Variants in TMEM67 observed in about 807,000 individuals in gnomAD.
The protein encoded by TMEM67 is meckelin.
Under a neutral mutation model 136.6 loss-of-function variants are expected in TMEM67, and 124 were observed. The ratio of observed to expected loss-of-function variants is 0.91; its 90% CI spans 0.78 to 1.05. The LOEUF (loss-of-function observed/expected upper bound fraction) is 1.05. TMEM67 is among the 50% of genes least tolerant of loss of function. The pLI is 0.00. For missense variants in TMEM67, 1,107 were observed against 1,178.4 expected, an observed-to-expected ratio of 0.94 and a Z score of 0.89; for synonymous variants, 364 against 390.5, an observed-to-expected ratio of 0.93 and a Z score of 0.80.
chr8:93,812,715 AG>A (rs1159378910), intron 26 of TMEM67, among the ~76,000 whole-genome samples: 3 of 152,180 alleles, frequency 2.0e-5, no homozygotes, highest in African/African-American at 7.2e-5. Flanking sequence ...GTAGGCACTC[AG>A]AAAGGAAATG....
In TMEM67 at chr8:93,808,932, C is replaced by T. The variant is rs771098362; in HGVS notation, c.2532C>T (p.Asp844=). The part of the protein sequence containing the change: ...AISNQMRQHY[D]RIHETLIRKN... ...CTAACCAGATGAGACAACATTATGA[C>T]AGAATTCATGAGACACTAATAAGGG... The change falls in exon 24 of 28, where the codon GAC becomes GAT. Residue 844 remains aspartate, a synonymous_variant. Coordinates refer to ENST00000453321, the MANE Select transcript of TMEM67 (RefSeq NM_153704.6). 3 of 1,608,698 alleles carry T rather than the reference C, an allele frequency of 1.9e-6. No individual in the cohort carries two copies. The African/African-American group carries it at 4.0e-5, about 22-fold the overall frequency.
At chr8:93,772,712 C>A in intron 7 of TMEM67, 61 bp downstream of exon 7, 1 of 1,305,972 alleles carries the variant, frequency 7.7e-7, no homozygotes, top group Non-Finnish European at 1.1e-6. Flanking sequence ...CATTTATTTA[C>A]CCAGATAATA....
Position 93,815,326 on chromosome 8 carries a change from G to C in TMEM67, c.2786G>C (p.Ser929Thr). 2 of 1,592,194 alleles carry C rather than the reference G, an allele frequency of 1.3e-6. No individual in the cohort carries two copies. Among genetic ancestry groups the C allele is most frequent in the Non-Finnish European group, 1.7e-6 (2 of 1,166,654 alleles). The change falls in exon 27 of 28, where the codon AGT (serine) becomes ACT (threonine). Residue 929 changes from serine to threonine, a missense_variant. Physicochemically the swap from Ser to Thr is moderately conservative, Grantham distance 58. Around this residue, in one of 3 missense-constraint regions of TMEM67, gnomAD observed 925 missense variants for 1,002.4 expected, o/e 0.92. Coordinates refer to ENST00000453321, the MANE Select transcript of TMEM67 (RefSeq NM_153704.6). ...ATAGATGAAGGTTATTCTTTCAGCAGTGTCCTGTATTATGGAAATGAAGCT... is the reference window on the plus strand; with the variant it reads ...ATAGATGAAGGTTATTCTTTCAGCACTGTCCTGTATTATGGAAATGAAGCT... The part of the protein sequence containing the change: ...FYNDEGYSFS[S>T]VLYYGNEATL...
At chr8:93,809,708 C>T in intron 25 of TMEM67, 77 bp from the exon 26 acceptor site, 1 of 856,366 alleles carries the variant, frequency 1.2e-6, no homozygotes, top group Admixed American at 2.0e-5. Context: ...CATTTTCTCT[C>T]CTGCTGATTT....
intron 13 of TMEM67, among the ~76,000 whole-genome samples, chr8:93,786,738 C>G (rs1445861788): frequency 6.6e-6 from 1 of 152,132 alleles, no homozygotes; most frequent in Non-Finnish European, 1.5e-5. Flanking sequence ...GATTAATTTT[C>G]AACACCTCCC....
intron 9 of TMEM67, among the ~76,000 whole-genome samples, 168 bp downstream of exon 9, chr8:93,781,150 T>C (rs1813807448): frequency 6.6e-6 from 1 of 152,258 alleles, no homozygotes; most frequent in Non-Finnish European, 1.5e-5. Flanking sequence ...AGTTTAGCTA[T>C]CTTACTGAAT....
intron 22 of TMEM67, among the ~76,000 whole-genome samples, chr8:93,804,040 A>G (rs560193499): frequency 6.7e-6 from 1 of 150,206 alleles, no homozygotes; most frequent in South Asian, 2.1e-4. Context: ...ATGCTGGGCT[A>G]ATTTTTTTTT....
chr8:93,769,497 T>G (rs1317585854), intron 6 of TMEM67: 1 of 167,140 alleles, frequency 6.0e-6, no homozygotes, highest in African/African-American at 2.4e-5. Context: ...AGCAATTGTG[T>G]GCTAAACATA....
At chr8:93,774,079 AT>A (rs530202231) in intron 7 of TMEM67, among the ~76,000 whole-genome samples, 5 of 152,156 alleles carry the variant, frequency 3.3e-5, no homozygotes, top group Non-Finnish European at 7.4e-5. Context: ...GGAGTGCACA[AT>A]CTCGACTCAC....
In TMEM67 at chr8:93,780,599, GC is replaced by G; in HGVS notation, c.723del (p.Asn242IlefsTer2). ...QSSAAACWVYANLTSCQALGN... is the reference protein window; with the variant it reads ...QSSAAACWVYXNLTSCQALGN... ...TGCCATTGTTCTGTTGTAGGTATATGCCAATCTAACATCTTGTCAAGCTCTT... is the reference window on the plus strand; with the variant it reads ...TGCCATTGTTCTGTTGTAGGTATATGCAATCTAACATCTTGTCAAGCTCTT... On this transcript the variant is annotated frameshift_variant, in exon 8 of 28. Transcript: ENST00000453321. LOFTEE classifies it high-confidence loss of function. 1 of 1,614,026 alleles carries G rather than the reference GC, an allele frequency of 6.2e-7. No individual in the cohort carries two copies. The highest frequency in any genetic ancestry group is 8.5e-7 in the Non-Finnish European group (1 of 1,180,008).
At chr8:93,811,723 T>G (rs1197367293) in intron 26 of TMEM67, among the ~76,000 whole-genome samples, 1 of 152,098 alleles carries the variant, frequency 6.6e-6, no homozygotes, top group East Asian at 1.9e-4. Flanking sequence ...GGTTGCATGC[T>G]CAACATCTTA....
chr8:93,819,345 G>A, downstream of TMEM67: 2 of 363,594 alleles, frequency 5.5e-6, no homozygotes, highest in Non-Finnish European at 1.0e-5. Context: ...ACCGATAGAT[G>A]TAAAACATAA....
chr8:93,777,204 T>G (rs765770311), intron 7 of TMEM67, among the ~76,000 whole-genome samples: 2 of 152,204 alleles, frequency 1.3e-5, no homozygotes, highest in Non-Finnish European at 2.9e-5. Context: ...GATATCGCCT[T>G]TATCATTTTT....
At chr8:93,756,177 A>T in intron 2 of TMEM67, 1 of 250,748 alleles carries the variant, frequency 4.0e-6, no homozygotes, top group East Asian at 1.0e-4. Context: ...TATATAGAGC[A>T]GTCTGGGATG....
At chr8:93,763,176 C>T in intron 3 of TMEM67, 1 of 196,052 alleles carries the variant, frequency 5.1e-6, no homozygotes, top group Non-Finnish European at 1.1e-5. Flanking sequence ...GTGATCCACC[C>T]ACCTTAGCCT....
chr8:93,803,678 G>A lies in TMEM67; in HGVS notation c.2316G>A (p.Met772Ile). 2 of 1,552,356 alleles carry A rather than the reference G, an allele frequency of 1.3e-6. No homozygotes were observed. The highest frequency in any genetic ancestry group is 1.1e-5 in the South Asian group (1 of 89,648). ...GACAGTTCGTTGATTTATGCTCTAT[G>A]AGTAATGTAAGTACTTTCTGACTTC... ...KIRQFVDLCS[M>I]SNISVFLLSH... Residue 772 changes from methionine to isoleucine, a missense_variant, in exon 22 of 28, where the codon ATG becomes ATA. Physicochemically the swap from Met to Ile is conservative, Grantham distance 10. Around this residue, in one of 3 missense-constraint regions of TMEM67, gnomAD observed 925 missense variants for 1,002.4 expected, o/e 0.92. Coordinates refer to ENST00000453321, the MANE Select transcript of TMEM67 (RefSeq NM_153704.6).
rs183309328 is a variant in TMEM67 at position 93,790,742 on chromosome 8, C to T, written c.1519-521C>T. Among the ~76,000 whole-genome samples, 3 of 152,284 alleles carry T rather than the reference C, an allele frequency of 2.0e-5. No homozygotes were observed. The East Asian group carries it at 5.8e-4, about 29-fold the overall frequency. ...AACATTTGACACTGTACTCAACCTCCTCCTCCTTCTTGAAACTCCCTATTC... is the reference window on the plus strand; with the variant it reads ...AACATTTGACACTGTACTCAACCTCTTCCTCCTTCTTGAAACTCCCTATTC... On this transcript the variant is annotated intron_variant, in intron 14 of 27. Coordinates refer to ENST00000453321, the MANE Select transcript of TMEM67 (RefSeq NM_153704.6).
chr8:93,799,902 TTC>T (rs1586075076), intron 21 of TMEM67, 144 bp downstream of exon 21: 84 of 573,480 alleles, frequency 1.5e-4, no homozygotes, highest in Admixed American at 2.2e-4. Context: ...TAATGGTCAG[TTC>T]TTTTTTTTTT....
At chr8:93,824,861 T>C in the TMEM67 span, among the ~76,000 whole-genome samples, 1 of 152,232 alleles carries the variant, frequency 6.6e-6, no homozygotes, top group Admixed American at 6.5e-5. Flanking sequence ...ATTACAGGCA[T>C]GTGCCACCAT....
Sources: allele counts gnomAD v4.1 joint callset (sites outside exome capture counted in the v4.1 genomes callset), GRCh38; gene constraint gnomAD v4.1.1; regional missense constraint gnomAD v4.1.1; transcripts MANE v1.5; gene names NCBI Gene and HGNC (gene_info 2026-07-23, HGNC 2026-07-21).